Variants in ABCA12 observed in about 807,000 individuals in gnomAD.
The protein encoded by ABCA12 is ATP binding cassette subfamily A member 12.
Under a neutral mutation model 293.5 loss-of-function variants are expected in ABCA12, and 156 were observed. The ratio of observed to expected loss-of-function variants is 0.53; its 90% confidence interval spans 0.47 to 0.61. ABCA12 has a LOEUF of 0.61. ABCA12 is among the 20% of genes least tolerant of loss of function. The pLI, the probability that ABCA12 is intolerant of heterozygous loss-of-function variation, is 0.00. For missense variants in ABCA12, 2,797 were observed against 3,090.2 expected (o/e 0.91, Z 2.25); for synonymous variants, 1,063 against 1,108.0 (o/e 0.96, Z 0.81).
chr2:215,136,022 A>G (rs1268491532), intron 1 of ABCA12, among the ~76,000 whole-genome samples: 1 of 152,004 alleles, frequency 6.6e-6, no homozygotes, highest in African/African-American at 2.4e-5. Flanking sequence ...GTTGGTTATA[A>G]TGGATTCAGG....
chr2:215,071,930 T>G (rs1019295179), intron 2 of ABCA12, among the ~76,000 whole-genome samples: 3 of 152,176 alleles, frequency 2.0e-5, no homozygotes, highest in Non-Finnish European at 4.4e-5. Context: ...CTGTAGTGTT[T>G]AAATTACTGT....
intron 1 of ABCA12, 105 bp from the exon 2 acceptor site, chr2:215,111,795 T>C: frequency 2.5e-6 from 2 of 812,894 alleles, no homozygotes; most frequent in South Asian, 3.1e-5. Context: ...CAACACAAGC[T>C]GAATATTTGA....
intron 19 of ABCA12, among the ~76,000 whole-genome samples, chr2:215,006,468 A>C (rs1450328358): frequency 6.6e-6 from 1 of 152,130 alleles, no homozygotes; most frequent in African/African-American, 2.4e-5. Flanking sequence ...CTATTTTAGA[A>C]ATTTATTTAA....
intron 36 of ABCA12, among the ~76,000 whole-genome samples, 154 bp downstream of exon 36, chr2:214,973,795 G>A (rs1388494509): frequency 6.6e-6 from 1 of 152,170 alleles, no homozygotes; most frequent in Non-Finnish European, 1.5e-5. Flanking sequence ...TTCAAAGTCA[G>A]TATTTTTTGA....
intron 9 of ABCA12, chr2:215,029,300 A>G (rs1700820445): frequency 6.6e-6 from 1 of 152,262 alleles, no homozygotes; most frequent in South Asian, 2.1e-4. Flanking sequence ...AGGAAGCTGC[A>G]GAGACACTGG....
chr2:214,936,374 C>T (rs1485474261), intron 51 of ABCA12, among the ~76,000 whole-genome samples: 1 of 152,154 alleles, frequency 6.6e-6, no homozygotes, highest in Admixed American at 6.6e-5. Context: ...TCCTGTATTC[C>T]TATTTACAAA....
At chr2:214,949,191 A>G in intron 45 of ABCA12, 42 bp from the exon 46 acceptor site, 1 of 1,369,296 alleles carries the variant, frequency 7.3e-7, no homozygotes, top group Middle Eastern at 1.8e-4. Context: ...CTTAATCCAA[A>G]CCAATGAGAC....
At chr2:215,055,556 A>G (rs757484389) in intron 3 of ABCA12, among the ~76,000 whole-genome samples, 14 of 152,106 alleles carry the variant, frequency 9.2e-5, no homozygotes, top group Non-Finnish European at 1.8e-4. Flanking sequence ...TTATGTAGTT[A>G]TTTATAAAAA....
chr2:215,008,866 AT>A (rs1700310290), intron 18 of ABCA12, among the ~76,000 whole-genome samples: 1 of 152,152 alleles, frequency 6.6e-6, no homozygotes, highest in Non-Finnish European at 1.5e-5. Flanking sequence ...ACACTTATAC[AT>A]TGTTGGTGGG....
At chr2:215,120,049 G>A (rs1702772561) in intron 1 of ABCA12, among the ~76,000 whole-genome samples, 1 of 152,160 alleles carries the variant, frequency 6.6e-6, no homozygotes, top group South Asian at 2.1e-4. Context: ...TAAAGAAAAT[G>A]TGGTACATAT....
At chr2:215,022,242 G>A (rs946486795) in intron 11 of ABCA12, 6 of 152,146 alleles carry the variant, frequency 3.9e-5, no homozygotes, top group African/African-American at 1.4e-4. Flanking sequence ...TACATATGTG[G>A]GAAACCAGCA....
At chr2:214,969,891 A>G (rs939748281) in intron 37 of ABCA12, among the ~76,000 whole-genome samples, 2 of 152,076 alleles carry the variant, frequency 1.3e-5, no homozygotes, top group African/African-American at 4.8e-5. Context: ...CATTTTGTCC[A>G]TATGCAGATA....
intron 46 of ABCA12, 62 bp from the exon 47 acceptor site, chr2:214,948,799 A>G: frequency 6.3e-7 from 1 of 1,598,356 alleles, no homozygotes; most frequent in South Asian, 1.1e-5. Context: ...CTGGTTCCCA[A>G]ATGCTGGGAA....
At chr2:215,031,770 T>C (rs1700882537) in intron 9 of ABCA12, 51 bp downstream of exon 9, 4 of 1,608,728 alleles carry the variant, frequency 2.5e-6, no homozygotes, top group East Asian at 2.2e-5. Flanking sequence ...ATTGTTTTGA[T>C]TGTTTATTCA....
intron 44 of ABCA12, among the ~76,000 whole-genome samples, chr2:214,953,282 A>G (rs964905225): frequency 3.3e-5 from 5 of 152,168 alleles, no homozygotes; most frequent in African/African-American, 1.2e-4. Context: ...TGTTGTTTCT[A>G]TTCTTTTGGT....
intron 26 of ABCA12, among the ~76,000 whole-genome samples, chr2:214,988,466 C>T (rs1448125328): frequency 6.6e-6 from 1 of 152,216 alleles, no homozygotes; most frequent in Non-Finnish European, 1.5e-5. Flanking sequence ...TGCCTTCTGT[C>T]TCTATCTGTC....
chr2:215,065,838 G>GA (rs1479746743), intron 2 of ABCA12, among the ~76,000 whole-genome samples: 2 of 151,808 alleles, frequency 1.3e-5, no homozygotes, highest in African/African-American at 2.4e-5. Flanking sequence ...AGTAACTATA[G>GA]AAAAAAATAG....
intron 1 of ABCA12, among the ~76,000 whole-genome samples, chr2:215,125,057 G>A (rs1702893553): frequency 6.6e-6 from 1 of 152,094 alleles, no homozygotes; most frequent in South Asian, 2.1e-4. Context: ...TGTTGAAAAG[G>A]GTGTCCTTTC....
chr2:215,119,720 C>T (rs889799292), intron 1 of ABCA12, among the ~76,000 whole-genome samples: 1 of 134,274 alleles, frequency 7.4e-6, no homozygotes, highest in African/African-American at 3.5e-5. Flanking sequence ...GTCAGAATGG[C>T]CATCATTAAA....
Sources: allele counts gnomAD v4.1 joint callset (sites outside exome capture counted in the v4.1 genomes callset), GRCh38; gene constraint gnomAD v4.1.1; transcripts MANE v1.5; gene names NCBI Gene and HGNC (gene_info 2026-07-23, HGNC 2026-07-21).